TAF1A: variants seen among roughly 807,000 people sequenced by gnomAD.
TAF1A encodes the protein TATA box-binding protein-associated factor RNA polymerase I subunit A.
A neutral mutation model predicts 61.6 loss-of-function variants in TAF1A; 42 were observed. The observed-to-expected ratio is 0.68, with a 90% confidence interval of 0.53 to 0.88. The LOEUF is 0.88. Ranked by LOEUF, TAF1A falls within the 40% of genes least tolerant of loss-of-function variation. The pLI, the probability that TAF1A is intolerant of heterozygous loss-of-function variation, is 0.00. For missense variants in TAF1A, 424 were observed against 518.7 expected, an observed-to-expected ratio of 0.82 and a Z score of 1.77; for synonymous variants, 179 against 177.7, an observed-to-expected ratio of 1.01 and a Z score of -0.06.
intron 7 of TAF1A, among the ~76,000 whole-genome samples, chr1:222,566,974 C>T (rs893963786): frequency 6.6e-6 from 1 of 152,154 alleles, no homozygotes; most frequent in African/African-American, 2.4e-5. Context: ...GTGAAAGCAG[C>T]GAACTCCAAC....
intron 5 of TAF1A, among the ~76,000 whole-genome samples, chr1:222,572,485 G>C (rs1227004235): frequency 1.3e-5 from 2 of 152,100 alleles, no homozygotes; most frequent in Non-Finnish European, 2.9e-5. Flanking sequence ...AGCCACTCAA[G>C]TAGCCAGGAC....
intron 10 of TAF1A, among the ~76,000 whole-genome samples, chr1:222,560,491 C>G (rs1659869888): frequency 6.6e-6 from 1 of 152,186 alleles, no homozygotes; most frequent in African/African-American, 2.4e-5. Flanking sequence ...TCTTCCTACT[C>G]TGCTCAAAGA....
chr1:222,570,538 T>C lies in TAF1A; in HGVS notation c.732A>G (p.Val244=). The change falls in exon 6 of 11, where the codon GTA becomes GTG. Residue 244 remains valine (V), a synonymous_variant. Transcript: ENST00000352967. ...GVWDPFVKSY[V]EMLEFYGDRD... ...ATTTAATGAAAATTCTACTTACTTC[T>C]ACATAACTCTTCACAAAAGGGTCCC... is the stretch of plus-strand genomic sequence containing the variant. 1 of 1,608,718 alleles carries C rather than the reference T, an allele frequency of 6.2e-7. No homozygotes were observed. The highest frequency in any genetic ancestry group is 1.1e-5 in the South Asian group (1 of 90,478).
intron 2 of TAF1A, among the ~76,000 whole-genome samples, chr1:222,585,452 T>C (rs3008645): frequency 0.87 from 127,659 of 146,578 alleles, 54,906 homozygotes; most frequent in East Asian, 0.94. Context: ...TAGATAACTT[T>C]ATTAAAAAAA....
At chr1:222,557,520 A>G (rs1659745787), downstream of TAF1A, among the ~76,000 whole-genome samples, 1 of 152,096 alleles carries the variant, frequency 6.6e-6, no homozygotes, top group African/African-American at 2.4e-5. Flanking sequence ...ACATGATCTC[A>G]GCTCACTGCA....
intron 8 of TAF1A, 84 bp from the exon 9 acceptor site, chr1:222,563,380 G>A (rs1659991047): frequency 3.6e-6 from 5 of 1,371,600 alleles, no homozygotes; most frequent in East Asian, 5.0e-5. Context: ...TTTATCAACT[G>A]TATATATACT....
At chr1:222,580,098 A>G (rs928839142) in intron 3 of TAF1A, among the ~76,000 whole-genome samples, 2 of 152,224 alleles carry the variant, frequency 1.3e-5, no homozygotes, top group Admixed American at 6.5e-5. Context: ...AGATAGTATA[A>G]TAGCATCATT....
rs769660795 is a variant in TAF1A at position 222,569,684 on chromosome 1, C to A, written c.736-16G>T. The A allele has an allele frequency of 1.9e-6, 3 of 1,600,984 alleles. No individual in the cohort carries two copies. Among genetic ancestry groups the A allele is most frequent in the Non-Finnish European group, 2.6e-6 (3 of 1,175,292 alleles). ...ATTCCAGCATCTATATAAAATAAAT[C>A]ATAATATCTTAGCTGAATTCTGTAA... On this transcript the variant is annotated splice_polypyrimidine_tract_variant and intron_variant, in intron 6 of 10. Transcript: ENST00000352967.
At chr1:222,555,166 G>A (rs1659711975), downstream of TAF1A, among the ~76,000 whole-genome samples, 2 of 152,288 alleles carry the variant, frequency 1.3e-5, no homozygotes, top group South Asian at 4.1e-4. Context: ...AAGAGAAGAG[G>A]AAGCGCTTGT....
chr1:222,563,022 G>T, intron 9 of TAF1A, 151 bp downstream of exon 9: 1 of 759,504 alleles, frequency 1.3e-6, no homozygotes, highest in Non-Finnish European at 2.1e-6. Flanking sequence ...GTATTTCTTT[G>T]CTTCAGAAGA....
downstream of TAF1A, among the ~76,000 whole-genome samples, chr1:222,554,864 C>T (rs558452188): frequency 6.6e-6 from 1 of 152,196 alleles, no homozygotes; most frequent in East Asian, 1.9e-4. Flanking sequence ...GGGGTGTTGA[C>T]AGCTTTACAG....
rs555222375 is a variant in TAF1A at position 222,588,652 on chromosome 1, C to A, written c.-2-87G>T. ...TACAGAAAAACGGCTATCTTTTTATCTAATAAATATAATTTGATTAGCAAA... is the reference window on the plus strand; with the variant it reads ...TACAGAAAAACGGCTATCTTTTTATATAATAAATATAATTTGATTAGCAAA... On this transcript the variant is annotated intron_variant, in intron 1 of 10. Coordinates refer to ENST00000352967, the MANE Select transcript of TAF1A (RefSeq NM_005681.4). 9.4e-4 allele frequency: 1,295 copies of A among 1,373,200 alleles called. 4 individuals are homozygous for A. The highest frequency in any genetic ancestry group is 1.4e-3 in the Admixed American group (56 of 40,754). 85.1% of individuals were successfully genotyped at this position (1,373,200 alleles called of 1,614,324 possible).
intron 2 of TAF1A, among the ~76,000 whole-genome samples, chr1:222,584,556 C>G (rs1312302577): frequency 1.3e-5 from 2 of 152,116 alleles, no homozygotes; most frequent in African/African-American, 4.8e-5. Flanking sequence ...ATTCAATCAT[C>G]CTTTCATCCT....
chr1:222,584,062 G>A, intron 3 of TAF1A, 66 bp downstream of exon 3: 1 of 1,538,292 alleles, frequency 6.5e-7, no homozygotes, highest in South Asian at 1.2e-5. Flanking sequence ...GCTACTGTAG[G>A]TGAAGCTGTA....
At chr1:222,567,370 G>A (rs1660160630) in intron 7 of TAF1A, among the ~76,000 whole-genome samples, 1 of 152,174 alleles carries the variant, frequency 6.6e-6, no homozygotes, top group Non-Finnish European at 1.5e-5. Flanking sequence ...GAAATAGACA[G>A]TGATGGTGGT....
intron 2 of TAF1A, among the ~76,000 whole-genome samples, chr1:222,587,115 C>T (rs1281720775): frequency 6.6e-6 from 1 of 152,172 alleles, no homozygotes; most frequent in Non-Finnish European, 1.5e-5. Flanking sequence ...GTAGCACTAC[C>T]TCTGAAGTAT....
rs570382724 is a variant in TAF1A, at chr1:222,584,454, C to T, written c.122-157G>A. Reference sequence around the variant, plus strand: ...AAAGCCAGCTTCACTTGAAACAAACCCTTCTACATTATATTAATTATTTTT... The same window carrying T: ...AAAGCCAGCTTCACTTGAAACAAACTCTTCTACATTATATTAATTATTTTT... On this transcript the variant is annotated intron_variant, in intron 2 of 10. Transcript: ENST00000352967. 7.9e-5 allele frequency among the ~76,000 whole-genome samples: 12 copies of T among 152,204 alleles called. No homozygotes were observed. The South Asian group carries it at 8.3e-4, about 11-fold the overall frequency.
chr1:222,563,416 C>A, intron 8 of TAF1A, 120 bp from the exon 9 acceptor site: 1 of 1,112,020 alleles, frequency 9.0e-7, no homozygotes, highest in African/African-American at 1.6e-5. Context: ...TGATAAAATA[C>A]TGAATCATAA....
intron 4 of TAF1A, 86 bp downstream of exon 4, chr1:222,579,673 T>C: frequency 6.7e-7 from 1 of 1,482,956 alleles, no homozygotes. Context: ...CCACATTTTT[T>C]AGGTTAACTA....
Sources: gnomAD v4.1 joint callset for allele counts (sites outside exome capture counted in the v4.1 genomes callset) on GRCh38, gnomAD v4.1.1 for gene constraint, MANE v1.5 for transcripts, NCBI Gene and HGNC (gene_info 2026-07-23, HGNC 2026-07-21) for gene names.